Variants in PTPRE observed in about 807,000 individuals in gnomAD.
PTPRE encodes receptor-type tyrosine-protein phosphatase epsilon.
Under a neutral mutation model 102.0 loss-of-function variants are expected in PTPRE, and 51 were observed. The observed-to-expected ratio is 0.50, with a 90% CI of 0.40 to 0.63. The LOEUF (loss-of-function observed/expected upper bound fraction) is 0.63. Among genes scored for constraint, PTPRE ranks in the 30% least tolerant of loss-of-function variants. PTPRE has a pLI of 0.00. For missense variants in PTPRE, 752 were observed against 915.1 expected (o/e 0.82, Z 2.30); for synonymous variants, 345 against 348.2 (o/e 0.99, Z 0.10).
chr10:128,036,797 A>C lies in PTPRE; in HGVS notation c.-7-4078A>C, dbSNP rs74159143. ...CCATTGCTTAGACCAATACGTCTCA[A>C]ATATTAATGAGCAGAGGAACCACCG... On this transcript the variant is annotated intron_variant, in intron 2 of 20. Coordinates refer to ENST00000254667, the MANE Select transcript of PTPRE (RefSeq NM_006504.6). 5.3e-3 allele frequency among the ~76,000 whole-genome samples: 808 copies of C among 152,258 alleles called. 10 individuals are homozygous for C. The highest frequency in any genetic ancestry group is 0.018 in the African/African-American group (740 of 41,536).
At chr10:127,908,922 A>G (rs1443875112) in intron 1 of PTPRE, among the ~76,000 whole-genome samples, 1 of 152,234 alleles carries the variant, frequency 6.6e-6, no homozygotes, top group African/African-American at 2.4e-5. Context: ...GGACTTAGTC[A>G]CACACTCCCT....
chr10:128,044,031 C>A (rs1030083779), intron 3 of PTPRE, among the ~76,000 whole-genome samples: 1 of 152,176 alleles, frequency 6.6e-6, no homozygotes, highest in African/African-American at 2.4e-5. Context: ...GTCCGTGAAG[C>A]TGTAGATGAA....
At chr10:128,043,065 T>C (rs752263856) in intron 3 of PTPRE, among the ~76,000 whole-genome samples, 1 of 152,182 alleles carries the variant, frequency 6.6e-6, no homozygotes, top group Non-Finnish European at 1.5e-5. Context: ...TCGCACATTA[T>C]GGGCAGCATT....
chr10:128,079,812 C>A, intron 20 of PTPRE, 117 bp downstream of exon 20: 1 of 1,327,210 alleles, frequency 7.5e-7, no homozygotes, highest in Non-Finnish European at 1.0e-6. Flanking sequence ...GTAAAATTCC[C>A]AAGGAAAAGA....
chr10:127,938,118 C>T (rs759642805), intron 1 of PTPRE, among the ~76,000 whole-genome samples: 14 of 152,120 alleles, frequency 9.2e-5, no homozygotes, highest in East Asian at 1.9e-4. Context: ...AGTGCTGCCA[C>T]GACTGTGTGG....
chr10:127,957,826 C>T (rs1260010424), intron 1 of PTPRE, among the ~76,000 whole-genome samples: 1 of 152,188 alleles, frequency 6.6e-6, no homozygotes, highest in Non-Finnish European at 1.5e-5. Context: ...TTTGTTTATC[C>T]GTGAACACGG....
chr10:128,069,763 A>G lies in PTPRE; in HGVS notation c.1079A>G (p.Lys360Arg), dbSNP rs1479382548. Residue 360 changes from lysine (K) to arginine (R), a missense_variant, in exon 13 of 21, where the codon AAG becomes AGG. Coordinates refer to ENST00000254667, the MANE Select transcript of PTPRE (RefSeq NM_006504.6). ...ATGGCCATGATGCACGCGGAGCAGA[A>G]GGTGGATGTGTTTGAATTTGTGTCT... ...AMMAMMHAEQ[K>R]VDVFEFVSRI... The G allele has an allele frequency of 1.2e-6, 2 of 1,614,190 alleles. No homozygotes were observed.
intron 2 of PTPRE, among the ~76,000 whole-genome samples, chr10:128,034,661 T>A (rs545930196): frequency 1.7e-4 from 26 of 152,136 alleles, no homozygotes; most frequent in Non-Finnish European, 2.8e-4. Flanking sequence ...GGCAACAGAG[T>A]GAGACTCTGC....
intron 3 of PTPRE, among the ~76,000 whole-genome samples, chr10:128,042,351 C>G (rs1222810907): frequency 6.6e-6 from 1 of 152,152 alleles, no homozygotes; most frequent in African/African-American, 2.4e-5. Flanking sequence ...ACGTCCACTC[C>G]ACATCTGAGG....
At chr10:128,043,394 C>T (rs1847865441) in intron 3 of PTPRE, among the ~76,000 whole-genome samples, 1 of 152,188 alleles carries the variant, frequency 6.6e-6, no homozygotes, top group South Asian at 2.1e-4. Context: ...CACAATAGGG[C>T]TCACGGTCCT....
At chr10:127,933,886 T>C (rs1335606987) in intron 1 of PTPRE, among the ~76,000 whole-genome samples, 1 of 152,156 alleles carries the variant, frequency 6.6e-6, no homozygotes, top group African/African-American at 2.4e-5. Flanking sequence ...AACCTCGATT[T>C]CCCTAATGGG....
At chr10:128,066,565 T>G (rs760641125) in intron 11 of PTPRE, among the ~76,000 whole-genome samples, 3 of 152,182 alleles carry the variant, frequency 2.0e-5, no homozygotes, top group Non-Finnish European at 4.4e-5. Context: ...CCGAATTCTG[T>G]CTGAAACCTC....
chr10:127,956,726 G>A (rs906075829), intron 1 of PTPRE, among the ~76,000 whole-genome samples: 2 of 152,182 alleles, frequency 1.3e-5, no homozygotes, highest in Non-Finnish European at 2.9e-5. Context: ...ATCCTTACCA[G>A]CATTTGGTGT....
intron 12 of PTPRE, 196 bp downstream of exon 12, chr10:128,068,482 C>G: frequency 1.9e-6 from 1 of 516,352 alleles, no homozygotes; most frequent in Non-Finnish European, 3.1e-6. Context: ...CCCTCTTCAT[C>G]CCAGTCGATA....
chr10:127,985,646 T>A (rs967556134), intron 2 of PTPRE, among the ~76,000 whole-genome samples: 1 of 152,196 alleles, frequency 6.6e-6, no homozygotes, highest in Non-Finnish European at 1.5e-5. Context: ...CTTATTATGA[T>A]CATCATCGCA....
chr10:127,976,355 G>C (rs1047215879), intron 1 of PTPRE, among the ~76,000 whole-genome samples: 1 of 152,144 alleles, frequency 6.6e-6, no homozygotes, highest in Non-Finnish European at 1.5e-5. Flanking sequence ...GCAGACACTC[G>C]TACTTGCAAA....
intron 17 of PTPRE, among the ~76,000 whole-genome samples, chr10:128,076,238 G>A (rs1851197529): frequency 6.6e-6 from 1 of 152,090 alleles, no homozygotes; most frequent in South Asian, 2.1e-4. Context: ...GGAAGTGCAG[G>A]GTGTACACTG....
chr10:128,044,093 C>T (rs780241623), intron 3 of PTPRE, among the ~76,000 whole-genome samples: 2 of 152,100 alleles, frequency 1.3e-5, no homozygotes, highest in Non-Finnish European at 2.9e-5. Flanking sequence ...TATTTATGAA[C>T]GTAAATTTAT....
intron 1 of PTPRE, among the ~76,000 whole-genome samples, chr10:127,955,705 T>G (rs763382660): frequency 2.2e-4 from 34 of 152,182 alleles, no homozygotes; most frequent in Non-Finnish European, 4.4e-5. Context: ...GTTTTCACAC[T>G]ACTGTAAAAA....
Sources: gnomAD v4.1 joint callset for allele counts (sites outside exome capture counted in the v4.1 genomes callset) on GRCh38, gnomAD v4.1.1 for gene constraint, MANE v1.5 for transcripts, NCBI Gene and HGNC (gene_info 2026-07-23, HGNC 2026-07-21) for gene names.